The following TMPO variants were observed in gnomAD, a reference collection of about 807,000 sequenced individuals.
The protein encoded by TMPO is thymopoietin.
Under a neutral mutation model 45.4 loss-of-function variants are expected in TMPO, and 22 were observed. That is an observed-to-expected ratio of 0.48 (90% CI 0.35 to 0.69). The LOEUF is 0.69. TMPO is among the 30% of genes least tolerant of loss of function. The pLI is 0.01. For missense variants in TMPO, 512 were observed against 548.8 expected (o/e 0.93, Z 0.67); for synonymous variants, 241 against 204.1 (o/e 1.18, Z -1.54).
At chr12:98,524,424 T>C (rs1022401669) in intron 1 of TMPO, among the ~76,000 whole-genome samples, 2 of 151,914 alleles carry the variant, frequency 1.3e-5, no homozygotes, top group Non-Finnish European at 2.9e-5. Flanking sequence ...GTACAAAAAT[T>C]AGCTGGGCGT....
At chr12:98,547,367 G>A (rs1287316655) in intron 8 of TMPO, among the ~76,000 whole-genome samples, 1 of 152,156 alleles carries the variant, frequency 6.6e-6, no homozygotes, top group Non-Finnish European at 1.5e-5. Flanking sequence ...GAGCCACCAT[G>A]CCCAGCCCAT....
chr12:98,538,228 TA>T (rs1877690669), intron 4 of TMPO, among the ~76,000 whole-genome samples: 1 of 152,210 alleles, frequency 6.6e-6, no homozygotes, highest in Non-Finnish European at 1.5e-5. Context: ...AATTATTGAC[TA>T]ATGCAGCATT....
chr12:98,525,093 G>A (rs1428008179), intron 1 of TMPO, among the ~76,000 whole-genome samples: 2 of 152,132 alleles, frequency 1.3e-5, no homozygotes, highest in African/African-American at 4.8e-5. Context: ...TGCACTTTTT[G>A]GAAAATTTGA....
Position 98,533,414 on chromosome 12 carries a change from T to C in TMPO, c.565+1576T>C, listed in dbSNP as rs747232440. The C allele has an allele frequency of 5.6e-6, 9 of 1,614,198 alleles. No homozygotes were observed. In the Middle Eastern group the frequency reaches 6.6e-4, roughly 118 times the overall value. ...AGAGATTATGTCAATTCTCTGTTGGTCCAGGGTGGGGTAGGTAGTTTGCCT... is the reference window on the plus strand; with the variant it reads ...AGAGATTATGTCAATTCTCTGTTGGCCCAGGGTGGGGTAGGTAGTTTGCCT... On this transcript the variant is annotated intron_variant, in intron 3 of 8. Transcript: ENST00000556029.
chr12:98,526,031 A>G (rs1360915081), intron 1 of TMPO, among the ~76,000 whole-genome samples: 1 of 152,186 alleles, frequency 6.6e-6, no homozygotes, highest in Non-Finnish European at 1.5e-5. Flanking sequence ...AGGTATCCGT[A>G]CTTTTGCTTC....
intron 8 of TMPO, 32 bp from the exon 9 acceptor site, chr12:98,547,541 T>C: frequency 6.2e-7 from 1 of 1,613,664 alleles, no homozygotes; most frequent in African/African-American, 1.3e-5. Context: ...TATCTAAAAT[T>C]ATTTTTCTTT....
In TMPO at chr12:98,548,341, G is replaced by A. The variant is rs181982566; in HGVS notation, c.*483G>A. On this transcript the variant is annotated 3_prime_UTR_variant, in exon 9 of 9. Transcript: ENST00000556029. The stretch of plus-strand genomic sequence containing the variant: ...GAAAAGTAACTTGGTTGTACTTTTT[G>A]TAACTGCAACAAAGTTTGATGGTGT... 1 of 158,552 alleles carries A rather than the reference G, an allele frequency of 6.3e-6. No individual in the cohort carries two copies. Among genetic ancestry groups the A allele is most frequent in the Non-Finnish European group, 1.4e-5 (1 of 72,064 alleles). 9.8% of individuals were successfully genotyped at this position (158,552 alleles called of 1,614,324 possible).
intron 4 of TMPO, among the ~76,000 whole-genome samples, chr12:98,539,897 A>G (rs1363852621): frequency 5.9e-5 from 9 of 152,262 alleles, no homozygotes; most frequent in Admixed American, 6.5e-5. Context: ...GATAAGTGCT[A>G]TTCCAGTGAC....
intron 1 of TMPO, among the ~76,000 whole-genome samples, chr12:98,521,100 ATTTTTT>A (rs398044704): frequency 3.4e-4 from 26 of 76,774 alleles, no homozygotes; most frequent in African/African-American, 1.1e-3. Flanking sequence ...TTTATGAGGA[ATTTTTT>A]TTTTTTTTTT....
At chr12:98,528,460 G>A (rs1876947811) in intron 2 of TMPO, among the ~76,000 whole-genome samples, 1 of 151,810 alleles carries the variant, frequency 6.6e-6, no homozygotes, top group South Asian at 2.1e-4. Flanking sequence ...GTATTTTTCA[G>A]TAGAGATGGG....
chr12:98,544,951 G>A lies in TMPO; in HGVS notation c.880G>A (p.Val294Ile), dbSNP rs542271831. The change falls in exon 7 of 9, where the codon GTT becomes ATT. Residue 294 changes from valine (V) to isoleucine (I), a missense_variant and splice_region_variant. Transcript: ENST00000556029. ...TIMASSNESLVVNRVTGNFKH... is the reference protein window; with the variant it reads ...TIMASSNESLIVNRVTGNFKH... ...GTCTGAATAATTTGAATCTTGGCAG[G>A]TTGTCAATAGGGTGACTGGAAATTT... is the stretch of plus-strand genomic sequence containing the variant. 1.2e-6 allele frequency: 2 copies of A among 1,607,654 alleles called. No homozygotes were observed. Among genetic ancestry groups the A allele is most frequent in the East Asian group, 2.2e-5 (1 of 44,816 alleles).
chr12:98,523,655 A>T (rs1255226622), intron 1 of TMPO, among the ~76,000 whole-genome samples: 1 of 152,032 alleles, frequency 6.6e-6, no homozygotes, highest in Admixed American at 6.6e-5. Context: ...TTATGTTTGA[A>T]GGAAATATAA....
At chr12:98,522,633 A>G (rs746934251) in intron 1 of TMPO, among the ~76,000 whole-genome samples, 12 of 152,250 alleles carry the variant, frequency 7.9e-5, no homozygotes, top group Non-Finnish European at 2.9e-5. Flanking sequence ...ATTAATAGCC[A>G]TTAAATGATT....
intron 3 of TMPO, chr12:98,532,162 G>A (rs2121198761): frequency 4.4e-6 from 1 of 227,044 alleles, no homozygotes; most frequent in East Asian, 1.1e-4. Flanking sequence ...CACCTCCACA[G>A]AAGTAACTAC....
intron 4 of TMPO, 75 bp downstream of exon 4, chr12:98,537,647 T>C: frequency 1.8e-6 from 2 of 1,131,242 alleles, no homozygotes; most frequent in Non-Finnish European, 2.6e-6. Flanking sequence ...TTTTAGCCTT[T>C]AATGGTTGAC....
At chr12:98,528,248 G>T (rs1417502463) in intron 2 of TMPO, among the ~76,000 whole-genome samples, 2 of 132,148 alleles carry the variant, frequency 1.5e-5, no homozygotes, top group African/African-American at 2.9e-5. Context: ...TGCTTATATC[G>T]TACTTTTTTT....
At chr12:98,537,676 T>C (rs997107998) in intron 4 of TMPO, 104 bp downstream of exon 4, 5 of 864,052 alleles carry the variant, frequency 5.8e-6, no homozygotes, top group Non-Finnish European at 9.5e-6. Flanking sequence ...TCCAGCACGC[T>C]CAATAAACTT....
At position 98,544,471 on chromosome 12, in the gene TMPO, T is replaced by C. The variant is rs1412353074; in HGVS notation, c.813T>C (p.Asp271=). 1.9e-6 allele frequency: 3 copies of C among 1,613,872 alleles called. No individual in the cohort carries two copies. The Admixed American group carries it at 5.0e-5, about 27-fold the overall frequency. ...AAACTTCAGAACATTTTCGTATAGA[T>C]GGTCCAGTAATTTCAGAGAGTACTC... The part of the protein sequence containing the change: ...RVETSEHFRI[D]GPVISESTPI... Residue 271 remains aspartate, a synonymous_variant, in exon 6 of 9, where the codon GAT becomes GAC. Coordinates refer to ENST00000556029, the MANE Select transcript of TMPO (RefSeq NM_001032283.3).
chr12:98,545,129 G>GTTTT (rs79128220), intron 7 of TMPO, 68 bp downstream of exon 7: 19,860 of 636,884 alleles, frequency 0.031, 43 homozygotes, highest in Non-Finnish European at 0.037. Flanking sequence ...ATATTTGTTT[G>GTTTT]TTTTTTTTTT....
Sources: allele counts gnomAD v4.1 joint callset (sites outside exome capture counted in the v4.1 genomes callset), GRCh38; gene constraint gnomAD v4.1.1; transcripts MANE v1.5; gene names NCBI Gene and HGNC (gene_info 2026-07-23, HGNC 2026-07-21).